Variants in TRAPPC9 observed in about 807,000 individuals in gnomAD.
TRAPPC9 encodes the protein IKK2 binding protein.
Under a neutral mutation model 124.0 loss-of-function variants are expected in TRAPPC9, and 83 were observed. The ratio of observed to expected loss-of-function variants is 0.67; its 90% confidence interval spans 0.56 to 0.80. The LOEUF (loss-of-function observed/expected upper bound fraction) is 0.80, where lower values mean the gene tolerates loss of function less well. TRAPPC9 is among the 30% of genes least tolerant of loss of function. The probability of loss-of-function intolerance (pLI) is 0.00; values close to 1 mark genes in which losing one functional copy is unlikely to be tolerated. For synonymous variants in TRAPPC9, 638 were observed against 617.5 expected, an observed-to-expected ratio of 1.03 and a Z score of -0.49; for missense variants, 1,302 against 1,508.3, an observed-to-expected ratio of 0.86 and a Z score of 2.27.
At chr8:139,754,247 A>G (rs1426091580) in intron 21 of TRAPPC9, among the ~76,000 whole-genome samples, 1 of 152,148 alleles carries the variant, frequency 6.6e-6, no homozygotes, top group Non-Finnish European at 1.5e-5. Flanking sequence ...GCATCTAATG[A>G]GTGACCCCCA....
intron 21 of TRAPPC9, among the ~76,000 whole-genome samples, chr8:139,793,721 C>T (rs574054457): frequency 8.2e-4 from 125 of 152,278 alleles, no homozygotes; most frequent in Non-Finnish European, 9.8e-4. Flanking sequence ...AGAGGTGGTA[C>T]GGTACACCGT....
chr8:140,141,873 C>A (rs2061387152), intron 17 of TRAPPC9, among the ~76,000 whole-genome samples: 1 of 152,116 alleles, frequency 6.6e-6, no homozygotes, highest in Non-Finnish European at 1.5e-5. Flanking sequence ...TAGTGCTGCC[C>A]ACTCATTTGT....
intron 2 of TRAPPC9, among the ~76,000 whole-genome samples, chr8:140,441,396 A>G (rs2071013190): frequency 6.6e-6 from 1 of 152,240 alleles, no homozygotes; most frequent in African/African-American, 2.4e-5. Context: ...CATAACTGTC[A>G]ACTCTTAATA....
chr8:139,763,837 T>C (rs1467432642), intron 21 of TRAPPC9, among the ~76,000 whole-genome samples: 1 of 152,126 alleles, frequency 6.6e-6, no homozygotes, highest in Non-Finnish European at 1.5e-5. Context: ...AGCAGGCCAG[T>C]GATGGAGCAG....
rs370501179 is a variant in TRAPPC9 at position 140,405,497 on chromosome 8, C to T, written c.1008+80G>A. The T allele has an allele frequency of 6.2e-6, 9 of 1,444,512 alleles. No homozygotes were observed. The East Asian group carries it at 6.9e-5, about 11-fold the overall frequency. The allele number at this position is 1,444,512 out of a possible 1,614,324, so 89.5% of individuals were successfully genotyped here. A position where few individuals can be genotyped will look rare whatever the true frequency, so the allele number is the denominator to read the frequency against. On this transcript the variant is annotated intron_variant, in intron 6 of 22. Coordinates refer to ENST00000438773, the MANE Select transcript of TRAPPC9 (RefSeq NM_001160372.4). Reference sequence around the variant, plus strand: ...AGAAATAAATAATTAAGAGACACTGCAGCATTACACAATGTAAAATGGAAA... The same window carrying T: ...AGAAATAAATAATTAAGAGACACTGTAGCATTACACAATGTAAAATGGAAA...
chr8:140,004,186 C>G (rs7835252), intron 18 of TRAPPC9, among the ~76,000 whole-genome samples: 100,355 of 151,970 alleles, frequency 0.66, 34,126 homozygotes, highest in African/African-American at 0.84. Flanking sequence ...AACGGTGGGG[C>G]CGGGGAGATG....
chr8:140,424,678 A>C (rs1385407418), intron 5 of TRAPPC9, among the ~76,000 whole-genome samples: 1 of 151,950 alleles, frequency 6.6e-6, no homozygotes, highest in East Asian at 1.9e-4. Flanking sequence ...AAAGAAAAAA[A>C]CACAAGAAAA....
intron 19 of TRAPPC9, among the ~76,000 whole-genome samples, chr8:139,963,561 T>G (rs1347990375): frequency 1.3e-5 from 2 of 152,162 alleles, no homozygotes; most frequent in African/African-American, 2.4e-5. Flanking sequence ...TCTCCTTTCA[T>G]GGCCTCAGGT....
intron 19 of TRAPPC9, among the ~76,000 whole-genome samples, chr8:139,972,333 G>A (rs905663291): frequency 6.6e-6 from 1 of 152,152 alleles, no homozygotes; most frequent in African/African-American, 2.4e-5. Flanking sequence ...AGGTGCTTCT[G>A]TACAGAACAA....
intron 19 of TRAPPC9, chr8:139,932,053 C>T (rs1362315979): frequency 9.6e-6 from 3 of 312,412 alleles, no homozygotes; most frequent in Non-Finnish European, 1.9e-5. Context: ...ACAAGAGCAC[C>T]TAAGAGCAAT....
Position 140,241,610 on chromosome 8 carries a change from G to T in TRAPPC9, c.2431+11167C>A, listed in dbSNP as rs147777973. Among the ~76,000 whole-genome samples, 1 of 152,072 alleles carries T rather than the reference G, an allele frequency of 6.6e-6. No individual in the cohort carries two copies. The highest frequency in any genetic ancestry group is 2.4e-5 in the African/African-American group (1 of 41,372). On this transcript the variant is annotated intron_variant, in intron 16 of 22. Transcript: ENST00000438773. The surrounding 1 kb of genome is among the most constrained non-coding windows in gnomAD (Gnocchi z 5.0). ...TTCGGAAGGCTGAGACAGGAGAATC[G>T]CTTAAGCCCGGGAGGCAGAGGTTGC... is the stretch of plus-strand genomic sequence containing the variant.
intron 19 of TRAPPC9, among the ~76,000 whole-genome samples, chr8:139,925,783 A>T (rs575503259): frequency 6.7e-6 from 1 of 148,332 alleles, no homozygotes; most frequent in South Asian, 2.2e-4. Context: ...CAGAAAACAG[A>T]ACTGGGGTTT....
rs561764103 is a variant in TRAPPC9, at chr8:140,182,776, A to G, written c.2556+38683T>C. 2.0e-5 allele frequency among the ~76,000 whole-genome samples: 3 copies of G among 152,206 alleles called. No homozygotes were observed. Among genetic ancestry groups the G allele is most frequent in the South Asian group, 2.1e-4 (1 of 4,818 alleles). Reference sequence around the variant, plus strand: ...TGACCTATTACCCTCAGCTGAACACATCGTCACACACACCACAACTTGCAT... The same window carrying G: ...TGACCTATTACCCTCAGCTGAACACGTCGTCACACACACCACAACTTGCAT... On this transcript the variant is annotated intron_variant, in intron 17 of 22. Coordinates refer to ENST00000438773, the MANE Select transcript of TRAPPC9 (RefSeq NM_001160372.4). This position sits in a 1 kb window ranked among gnomAD's most constrained non-coding sequence, Gnocchi z 4.0.
At chr8:139,845,481 C>T (rs1827015983) in intron 21 of TRAPPC9, among the ~76,000 whole-genome samples, 1 of 152,224 alleles carries the variant, frequency 6.6e-6, no homozygotes, top group East Asian at 1.9e-4. Context: ...TTTAGCTGGG[C>T]ATATTAATGG....
chr8:140,184,915 C>T (rs1189482471), intron 17 of TRAPPC9, among the ~76,000 whole-genome samples: 1 of 152,102 alleles, frequency 6.6e-6, no homozygotes, highest in African/African-American at 2.4e-5. Context: ...CCCAGAGCAC[C>T]CTCTCTCCTG....
intron 21 of TRAPPC9, among the ~76,000 whole-genome samples, chr8:139,798,443 A>G (rs1489673927): frequency 1.3e-5 from 2 of 152,248 alleles, no homozygotes; most frequent in Admixed American, 6.5e-5. Context: ...TACTGGGGAC[A>G]TTGAAATCAG....
rs377704047 is a variant in TRAPPC9, at chr8:140,237,023, A to G, written c.2432-15440T>C. On this transcript the variant is annotated intron_variant, in intron 16 of 22. Transcript: ENST00000438773. ...TGGTGAAACCCCGCCTCTATTAAAA[A>G]TAAAAAAATTAGCTGAGCGTGGTGA... Among the ~76,000 whole-genome samples the G allele has an allele frequency of 1.8e-4, 28 of 152,226 alleles. No individual in the cohort carries two copies. The East Asian group carries it at 4.5e-3, about 24-fold the overall frequency.
chr8:140,041,412 A>C (rs1402314426), intron 17 of TRAPPC9, among the ~76,000 whole-genome samples: 1 of 152,240 alleles, frequency 6.6e-6, no homozygotes, highest in Non-Finnish European at 1.5e-5. Context: ...CCCAACATCA[A>C]AGATTAAATG....
intron 21 of TRAPPC9, among the ~76,000 whole-genome samples, chr8:139,804,086 AC>A: frequency 6.7e-6 from 1 of 148,216 alleles, no homozygotes; most frequent in African/African-American, 2.5e-5. Flanking sequence ...ACCACGACGC[AC>A]CACCACCACC....
Sources: gnomAD v4.1 joint callset for allele counts (sites outside exome capture counted in the v4.1 genomes callset) on GRCh38, gnomAD v4.1.1 for gene constraint, Gnocchi (gnomAD v3.1) non-coding constraint, MANE v1.5 for transcripts, NCBI Gene and HGNC (gene_info 2026-07-23, HGNC 2026-07-21) for gene names.